The following ZNF804B variants were observed in gnomAD, a reference collection of about 807,000 sequenced individuals.
ZNF804B encodes the protein zinc finger 804B.
ZNF804B carries 80 observed loss-of-function variants against 101.4 expected under a neutral mutation model. The observed-to-expected ratio is 0.79, with a 90% CI of 0.66 to 0.95. The LOEUF (loss-of-function observed/expected upper bound fraction) is 0.95, where lower values mean the gene tolerates loss of function less well. Among genes scored for constraint, ZNF804B ranks in the 40% least tolerant of loss-of-function variants. The pLI is 0.00. For synonymous variants in ZNF804B, 622 were observed against 558.8 expected (o/e 1.11, Z -1.59); for missense variants, 1,673 against 1,561.9 (o/e 1.07, Z -1.20).
chr7:89,002,379 T>C (rs1788303498), intron 1 of ZNF804B, among the ~76,000 whole-genome samples: 1 of 151,918 alleles, frequency 6.6e-6, no homozygotes. Context: ...AAACCTCATA[T>C]ATTTTCCCAC....
chr7:89,151,783 A>T (rs1175474955), intron 1 of ZNF804B, among the ~76,000 whole-genome samples: 1 of 152,058 alleles, frequency 6.6e-6, no homozygotes, highest in Non-Finnish European at 1.5e-5. Flanking sequence ...GCTCTTTAAC[A>T]TGGCAATGGT....
chr7:89,289,184 G>A (rs1442923191), intron 2 of ZNF804B, among the ~76,000 whole-genome samples: 1 of 152,104 alleles, frequency 6.6e-6, no homozygotes, highest in Non-Finnish European at 1.5e-5. Flanking sequence ...AACAAAACAG[G>A]TAGAAGAAAT....
chr7:89,289,136 G>T (rs1257510807), intron 2 of ZNF804B, among the ~76,000 whole-genome samples: 1 of 142,152 alleles, frequency 7.0e-6, no homozygotes, highest in Admixed American at 7.0e-5. Flanking sequence ...AAATGATTTG[G>T]TTAATCTATT....
At chr7:89,263,455 T>C (rs1458857708) in intron 2 of ZNF804B, among the ~76,000 whole-genome samples, 3 of 152,188 alleles carry the variant, frequency 2.0e-5, no homozygotes, top group Non-Finnish European at 4.4e-5. Context: ...TTTTTATATA[T>C]GACAAAATAA....
intron 1 of ZNF804B, among the ~76,000 whole-genome samples, chr7:89,074,945 G>A (rs1789593562): frequency 1.3e-5 from 2 of 152,164 alleles, no homozygotes; most frequent in Non-Finnish European, 2.9e-5. Context: ...GAGACTGGCA[G>A]CATTTTGCCC....
intron 2 of ZNF804B, among the ~76,000 whole-genome samples, chr7:89,225,559 G>A (rs1327799555): frequency 6.6e-6 from 1 of 151,856 alleles, no homozygotes; most frequent in Non-Finnish European, 1.5e-5. Context: ...TGAATAACTT[G>A]GTTTTTAGAG....
intron 1 of ZNF804B, among the ~76,000 whole-genome samples, chr7:89,026,101 C>T (rs1307717208): frequency 2.6e-5 from 4 of 152,092 alleles, no homozygotes; most frequent in South Asian, 2.1e-4. Flanking sequence ...ATTAAATCCC[C>T]GTAATGTGCC....
chr7:88,787,684 T>C (rs1171992102), intron 1 of ZNF804B, among the ~76,000 whole-genome samples: 1 of 152,128 alleles, frequency 6.6e-6, no homozygotes, highest in East Asian at 1.9e-4. Flanking sequence ...GTTATCACTC[T>C]CATTGTGCAG....
chr7:88,759,900 C>T lies in ZNF804B; in HGVS notation c.-77C>T, dbSNP rs1789864870. 4.7e-6 allele frequency: 6 copies of T among 1,272,550 alleles called. No homozygotes were observed. Among genetic ancestry groups the T allele is most frequent in the Non-Finnish European group, 3.4e-6 (3 of 876,728 alleles). 78.8% of individuals were successfully genotyped at this position (1,272,550 alleles called of 1,614,324 possible). On this transcript the variant is annotated 5_prime_UTR_variant, in exon 1 of 4. Coordinates refer to ENST00000333190, the MANE Select transcript of ZNF804B (RefSeq NM_181646.5). ...CTCGGGAGGTGGTAGTCGCTGTTGC[C>T]GCTGAGAAACCCGCCCGCTTTCCAC...
intron 1 of ZNF804B, among the ~76,000 whole-genome samples, chr7:89,093,293 T>C (rs1489965862): frequency 8.5e-5 from 13 of 152,214 alleles, no homozygotes; most frequent in African/African-American, 2.9e-4. Context: ...TACTACCTTG[T>C]GCCTTTTGTC....
chr7:88,771,516 A>T (rs773412051), intron 1 of ZNF804B, among the ~76,000 whole-genome samples: 7 of 152,266 alleles, frequency 4.6e-5, no homozygotes, highest in Admixed American at 2.6e-4. Flanking sequence ...AGCTCAATTG[A>T]CAGCAAACTA....
intron 1 of ZNF804B, among the ~76,000 whole-genome samples, chr7:89,048,203 AACACAC>A (rs140428820): frequency 6.7e-6 from 1 of 149,696 alleles, no homozygotes; most frequent in Admixed American, 6.6e-5. Context: ...GATGTTCACA[AACACAC>A]ACACACACAC....
intron 2 of ZNF804B, among the ~76,000 whole-genome samples, chr7:89,219,929 A>G (rs911216433): frequency 2.7e-5 from 4 of 148,592 alleles, no homozygotes; most frequent in African/African-American, 7.5e-5. Context: ...ATATACATAT[A>G]TGTGTGCATA....
intron 1 of ZNF804B, among the ~76,000 whole-genome samples, chr7:88,917,651 C>T (rs1319678789): frequency 6.6e-6 from 1 of 152,090 alleles, no homozygotes; most frequent in Admixed American, 6.6e-5. Context: ...GATTATAAGA[C>T]ATTTTTCTGG....
At chr7:89,220,148 T>TACGC (rs1788980248) in intron 2 of ZNF804B, among the ~76,000 whole-genome samples, 10 of 90,128 alleles carry the variant, frequency 1.1e-4, no homozygotes, top group South Asian at 6.9e-4. Flanking sequence ...TGTGTGTATA[T>TACGC]ACATATATAT....
chr7:89,204,883 A>G (rs939233311), intron 1 of ZNF804B, among the ~76,000 whole-genome samples: 1 of 152,234 alleles, frequency 6.6e-6, no homozygotes, highest in East Asian at 1.9e-4. Flanking sequence ...TCTTATTATT[A>G]TTTGGCATTG....
At chr7:88,978,534 T>C (rs541419197) in intron 1 of ZNF804B, among the ~76,000 whole-genome samples, 47 of 151,880 alleles carry the variant, frequency 3.1e-4, no homozygotes, top group Non-Finnish European at 5.6e-4. Context: ...TACTGCTCTC[T>C]TTTTGGTTTC....
In ZNF804B at chr7:88,843,750, T is replaced by A. The variant is rs183349159; in HGVS notation, c.108+83666T>A. Among the ~76,000 whole-genome samples the A allele has an allele frequency of 8.9e-3, 1,346 of 151,868 alleles. 13 individuals are homozygous for A. The highest frequency in any genetic ancestry group is 0.015 in the Non-Finnish European group (984 of 67,860). ...AGACTCTGTCTCAAAAGAAAAAAAA[T>A]AATAAATAATAAAATAACAAATGAA... On this transcript the variant is annotated intron_variant, in intron 1 of 3. Coordinates refer to ENST00000333190, the MANE Select transcript of ZNF804B (RefSeq NM_181646.5).
chr7:89,328,484 C>T (rs1466352185), intron 3 of ZNF804B, among the ~76,000 whole-genome samples: 1 of 151,664 alleles, frequency 6.6e-6, no homozygotes, highest in Non-Finnish European at 1.5e-5. Flanking sequence ...AAGGTTAATA[C>T]AAAAATGCAT....
Sources: allele counts gnomAD v4.1 joint callset (sites outside exome capture counted in the v4.1 genomes callset), GRCh38; gene constraint gnomAD v4.1.1; transcripts MANE v1.5; gene names NCBI Gene and HGNC (gene_info 2026-07-23, HGNC 2026-07-21).